Variants in MYRIP observed in about 807,000 individuals in gnomAD.
MYRIP encodes myosin VIIA and Rab interacting protein, also known as rab effector MyRIP.
A neutral mutation model predicts 98.0 loss-of-function variants in MYRIP; 49 were observed. The ratio of observed to expected loss-of-function variants is 0.50; its 90% confidence interval spans 0.40 to 0.63. The LOEUF (loss-of-function observed/expected upper bound fraction) is 0.63, where lower values mean the gene tolerates loss of function less well. MYRIP is among the 30% of genes least tolerant of loss of function. The probability of loss-of-function intolerance (pLI) is 0.00; values close to 1 mark genes in which losing one functional copy is unlikely to be tolerated. For synonymous variants in MYRIP, 404 were observed against 409.5 expected (o/e 0.99, Z 0.16); for missense variants, 1,004 against 1,058.2 (o/e 0.95, Z 0.71).
intron 2 of MYRIP, among the ~76,000 whole-genome samples, chr3:39,988,523 G>T (rs368971978): frequency 6.6e-6 from 1 of 152,054 alleles, no homozygotes; most frequent in Admixed American, 6.6e-5. Flanking sequence ...TCTTAGTGGT[G>T]TTCTCTGTAT....
intron 1 of MYRIP, among the ~76,000 whole-genome samples, chr3:39,827,002 A>G (rs1244633335): frequency 2.0e-5 from 3 of 152,362 alleles, no homozygotes; most frequent in South Asian, 4.1e-4. Flanking sequence ...CATTCCCAAA[A>G]GGGAATATCT....
chr3:39,809,417 C>T (rs998933809), upstream of MYRIP, among the ~76,000 whole-genome samples: 8 of 148,168 alleles, frequency 5.4e-5, no homozygotes, highest in Non-Finnish European at 7.5e-5. Flanking sequence ...CGCGTGCCGC[C>T]CGCGCGCCCG....
At chr3:39,887,739 T>G (rs1377706563) in intron 1 of MYRIP, among the ~76,000 whole-genome samples, 1 of 152,100 alleles carries the variant, frequency 6.6e-6, no homozygotes, top group Non-Finnish European at 1.5e-5. Context: ...AGTCAAATTG[T>G]CCCTGTTTGC....
intron 4 of MYRIP, among the ~76,000 whole-genome samples, chr3:40,152,702 C>G (rs974732456): frequency 2.0e-5 from 3 of 152,216 alleles, no homozygotes; most frequent in Non-Finnish European, 2.9e-5. Flanking sequence ...CAGGATTACA[C>G]AGCTGCCTCT....
chr3:40,045,258 G>C (rs1032847289), intron 3 of MYRIP, among the ~76,000 whole-genome samples: 2 of 152,120 alleles, frequency 1.3e-5, no homozygotes, highest in Admixed American at 1.3e-4. Flanking sequence ...TTTCCTTGGG[G>C]TCTCCAAGGA....
intron 1 of MYRIP, among the ~76,000 whole-genome samples, chr3:39,886,773 A>C (rs1943315068): frequency 1.3e-5 from 2 of 151,822 alleles, no homozygotes; most frequent in African/African-American, 2.4e-5. Context: ...AACATTAGAC[A>C]GATCAACGAG....
At chr3:40,075,627 C>T (rs1315712606) in intron 3 of MYRIP, among the ~76,000 whole-genome samples, 1 of 152,188 alleles carries the variant, frequency 6.6e-6, no homozygotes, top group Admixed American at 6.5e-5. Context: ...ATGCTTAGAA[C>T]AGTGCCACCA....
At chr3:39,894,570 C>T (rs1220768326) in intron 1 of MYRIP, among the ~76,000 whole-genome samples, 1 of 152,094 alleles carries the variant, frequency 6.6e-6, no homozygotes, top group Non-Finnish European at 1.5e-5. Context: ...TGTATACTTT[C>T]TTGTATTATT....
chr3:40,114,384 G>T (rs1949230396), intron 3 of MYRIP, among the ~76,000 whole-genome samples: 1 of 152,196 alleles, frequency 6.6e-6, no homozygotes, highest in Admixed American at 6.5e-5. Context: ...TACATTCTAT[G>T]ATGCTCTCAC....
chr3:39,990,513 G>A (rs1220583443), intron 2 of MYRIP, among the ~76,000 whole-genome samples: 1 of 152,132 alleles, frequency 6.6e-6, no homozygotes, highest in Admixed American at 6.5e-5. Flanking sequence ...TTATTTTGAG[G>A]CTTGAGTGAA....
chr3:39,814,251 C>T (rs1940800504), intron 1 of MYRIP, among the ~76,000 whole-genome samples: 1 of 152,274 alleles, frequency 6.6e-6, no homozygotes, highest in Non-Finnish European at 1.5e-5. Context: ...CTTGTATTCC[C>T]ATATCTTTGG....
chr3:40,179,848 G>C (rs960979226), intron 8 of MYRIP, among the ~76,000 whole-genome samples: 1 of 152,174 alleles, frequency 6.6e-6, no homozygotes. Context: ...CCAATCCCAA[G>C]GTACACCAGG....
intron 12 of MYRIP, 80 bp downstream of exon 12, chr3:40,234,133 A>G: frequency 7.1e-7 from 1 of 1,417,006 alleles, no homozygotes; most frequent in Non-Finnish European, 9.5e-7. Flanking sequence ...TATCGTGAAG[A>G]GTGCAAGGAC....
At position 40,044,134 on chromosome 3, in the gene MYRIP, G is replaced by C; in HGVS notation, c.195G>C (p.Met65Ile). The change falls in exon 3 of 17, where the codon ATG (methionine) becomes ATC (isoleucine). Residue 65 changes from methionine to isoleucine, a missense_variant. Around this residue, in one of 3 missense-constraint regions of MYRIP, gnomAD observed 880 missense variants for 907.7 expected, o/e 0.97. Coordinates refer to ENST00000302541, the MANE Select transcript of MYRIP (RefSeq NM_015460.4). ...KHQQFVEHCCMRCCSPFTFLV... is the reference protein window; with the variant it reads ...KHQQFVEHCCIRCCSPFTFLV... Reference sequence around the variant, plus strand: ...AGCAGTTTGTGGAGCACTGCTGCATGCGCTGCTGCTCGCCCTTCACCTTCC... The same window carrying C: ...AGCAGTTTGTGGAGCACTGCTGCATCCGCTGCTGCTCGCCCTTCACCTTCC... The C allele has an allele frequency of 6.2e-7, 1 of 1,614,196 alleles. No individual in the cohort carries two copies. The highest frequency in any genetic ancestry group is 8.5e-7 in the Non-Finnish European group (1 of 1,180,038).
chr3:40,141,060 C>T (rs1223267752), intron 3 of MYRIP, among the ~76,000 whole-genome samples: 3 of 152,110 alleles, frequency 2.0e-5, no homozygotes, highest in African/African-American at 7.2e-5. Flanking sequence ...CTCCACCTCC[C>T]ACTACTCTTC....
intron 1 of MYRIP, among the ~76,000 whole-genome samples, chr3:39,863,209 A>C (rs998572157): frequency 5.9e-5 from 9 of 152,186 alleles, no homozygotes; most frequent in Non-Finnish European, 1.3e-4. Context: ...AAAAGCTAGA[A>C]GTATCTCAAA....
intron 2 of MYRIP, among the ~76,000 whole-genome samples, chr3:39,956,226 T>C (rs995683579): frequency 1.3e-5 from 2 of 152,194 alleles, no homozygotes; most frequent in African/African-American, 2.4e-5. Flanking sequence ...AGAATATACA[T>C]TCTTCTCAGA....
At chr3:40,160,262 G>A (rs1192220784) in intron 4 of MYRIP, among the ~76,000 whole-genome samples, 6 of 152,150 alleles carry the variant, frequency 3.9e-5, no homozygotes, top group Non-Finnish European at 7.4e-5. Flanking sequence ...TGTGTGAGGT[G>A]TCAGTCTGCC....
intron 2 of MYRIP, among the ~76,000 whole-genome samples, chr3:39,980,536 G>A (rs1193601570): frequency 6.6e-6 from 1 of 152,164 alleles, no homozygotes; most frequent in Non-Finnish European, 1.5e-5. Context: ...TCCTCCAGTG[G>A]TCTCCTGTAT....
Sources: gnomAD v4.1 joint callset for allele counts (sites outside exome capture counted in the v4.1 genomes callset) on GRCh38, gnomAD v4.1.1 for gene constraint, gnomAD v4.1.1 regional missense constraint, MANE v1.5 for transcripts, NCBI Gene and HGNC (gene_info 2026-07-23, HGNC 2026-07-21) for gene names.